Variants in MPPED2 observed in about 807,000 individuals in gnomAD.
MPPED2 encodes metallophosphoesterase MPPED2.
Under a neutral mutation model 33.0 loss-of-function variants are expected in MPPED2, and 5 were observed. That is an observed-to-expected ratio of 0.15 (90% CI 0.08 to 0.32). MPPED2 has a LOEUF of 0.32. MPPED2 is among the 10% of genes least tolerant of loss of function. The pLI is 1.00. For missense variants in MPPED2, 275 were observed against 372.1 expected, an observed-to-expected ratio of 0.74 and a Z score of 2.15; for synonymous variants, 136 against 141.9, an observed-to-expected ratio of 0.96 and a Z score of 0.29.
At chr11:30,484,987 C>T (rs184125104) in intron 4 of MPPED2, among the ~76,000 whole-genome samples, 231 of 152,104 alleles carry the variant, frequency 1.5e-3, no homozygotes, top group African/African-American at 5.2e-3. Flanking sequence ...GCAAACAAAA[C>T]AAAACCAAAA....
intron 2 of MPPED2, among the ~76,000 whole-genome samples, chr11:30,563,818 C>T (rs141417343): frequency 6.6e-6 from 1 of 152,260 alleles, no homozygotes; most frequent in African/African-American, 2.4e-5. Context: ...TCAATCCTGC[C>T]CTTATAGGGC....
chr11:30,425,840 T>A (rs187302471), intron 4 of MPPED2, among the ~76,000 whole-genome samples: 187 of 152,164 alleles, frequency 1.2e-3, no homozygotes, highest in African/African-American at 4.2e-3. Context: ...CAAAGAGGAA[T>A]CTCACAGTTC....
At chr11:30,483,178 T>TTTTTCTACTTA (rs1487887674) in intron 4 of MPPED2, among the ~76,000 whole-genome samples, 1 of 152,190 alleles carries the variant, frequency 6.6e-6, no homozygotes, top group Admixed American at 6.5e-5. Context: ...GGGTTTTCCA[T>TTTTTCTACTTA]TTTTCTACTT....
rs1948073757 is a variant in MPPED2 at position 30,410,776 on chromosome 11, GCTCTTGACA to G, written c.*683_*691del. 1.0e-6 allele frequency: 1 copy of G among 984,790 alleles called. No individual in the cohort carries two copies. Among genetic ancestry groups the G allele is most frequent in the African/African-American group, 1.7e-5 (1 of 57,196 alleles). 61.0% of individuals were successfully genotyped at this position (984,790 alleles called of 1,614,324 possible). A position where few individuals can be genotyped will look rare whatever the true frequency, so the allele number is the denominator to read the frequency against. ...ATTTTTTTAACCGTATGAAATACCT[GCTCTTGACA>G]GATTCCATTTCTGTATTTTTAAAGC... On this transcript the variant is annotated 3_prime_UTR_variant, in exon 7 of 7. Coordinates refer to ENST00000358117, the MANE Select transcript of MPPED2 (RefSeq NM_001584.3).
At chr11:30,394,863 T>C (rs995757360) in intron 6 of MPPED2, among the ~76,000 whole-genome samples, 7 of 152,326 alleles carry the variant, frequency 4.6e-5, no homozygotes, top group African/African-American at 1.4e-4. Context: ...GTTTTCTAGA[T>C]TTATGCTTTA....
In MPPED2 at chr11:30,494,162, A is replaced by C. The variant is rs1177545730; in HGVS notation, c.536+1134T>G. 2.0e-5 allele frequency among the ~76,000 whole-genome samples: 3 copies of C among 152,246 alleles called. No individual in the cohort carries two copies. The East Asian group carries it at 5.8e-4, about 29-fold the overall frequency. On this transcript the variant is annotated intron_variant, in intron 4 of 6. Transcript: ENST00000358117. ...AGGGCTTCAAAATCTATATTTCTAC[A>C]GAGACGGTAATTCTGATGTGTAGGG...
intron 4 of MPPED2, among the ~76,000 whole-genome samples, chr11:30,494,646 G>A (rs1426411862): frequency 6.8e-6 from 1 of 146,044 alleles, no homozygotes; most frequent in African/African-American, 2.5e-5. Flanking sequence ...GCTGAGGCAG[G>A]AGAATTGCTC....
intron 3 of MPPED2, among the ~76,000 whole-genome samples, chr11:30,500,557 C>G (rs1952510133): frequency 6.6e-6 from 1 of 152,198 alleles, no homozygotes; most frequent in Admixed American, 6.5e-5. Context: ...TCCTTATGTT[C>G]TCTAAAGTGT....
intron 3 of MPPED2, among the ~76,000 whole-genome samples, chr11:30,515,233 G>C (rs1953459510): frequency 2.6e-5 from 4 of 152,138 alleles, no homozygotes; most frequent in Admixed American, 6.5e-5. Flanking sequence ...GAGTGGAAAA[G>C]AATGGCTGGG....
At chr11:30,443,381 T>G (rs1403769836) in intron 4 of MPPED2, among the ~76,000 whole-genome samples, 1 of 152,120 alleles carries the variant, frequency 6.6e-6, no homozygotes, top group Non-Finnish European at 1.5e-5. Context: ...TTAGATAACT[T>G]ATCCAAGGTC....
At chr11:30,464,855 G>A (rs184534268) in intron 4 of MPPED2, among the ~76,000 whole-genome samples, 44 of 152,262 alleles carry the variant, frequency 2.9e-4, no homozygotes, top group Non-Finnish European at 1.0e-4. Context: ...AGGTTGGGGA[G>A]GCATTGCTAA....
chr11:30,470,107 T>G (rs1950885504), intron 4 of MPPED2, among the ~76,000 whole-genome samples: 1 of 152,204 alleles, frequency 6.6e-6, no homozygotes, highest in Non-Finnish European at 1.5e-5. Context: ...GCACTTTCTT[T>G]TATGAAAATT....
upstream of MPPED2, among the ~76,000 whole-genome samples, chr11:30,586,438 G>A (rs987452199): frequency 5.9e-5 from 9 of 152,140 alleles, no homozygotes; most frequent in East Asian, 1.4e-3. This position sits in a 1 kb window ranked among gnomAD's most constrained non-coding sequence, Gnocchi z 4.8. Flanking sequence ...CTCCCCGGCG[G>A]GACCCCGCGC....
chr11:30,407,922 T>TA (rs1460389542), downstream of MPPED2, among the ~76,000 whole-genome samples: 12 of 151,660 alleles, frequency 7.9e-5, no homozygotes, highest in African/African-American at 2.9e-4. Flanking sequence ...ATTAAATATA[T>TA]TTTTTTAAAA....
At chr11:30,407,035 T>G (rs1324571349), downstream of MPPED2, among the ~76,000 whole-genome samples, 1 of 152,188 alleles carries the variant, frequency 6.6e-6, no homozygotes, top group Non-Finnish European at 1.5e-5. Flanking sequence ...ACACAGCAAG[T>G]GTTTTATCTG....
intron 2 of MPPED2, among the ~76,000 whole-genome samples, chr11:30,554,595 A>T (rs1478662400): frequency 7.4e-5 from 1 of 13,472 alleles, no homozygotes; most frequent in East Asian, 2.2e-3. Flanking sequence ...GGTTCAGGAG[A>T]TTCTCGTGCC....
At chr11:30,517,807 G>A (rs1195234050) in intron 3 of MPPED2, among the ~76,000 whole-genome samples, 1 of 152,144 alleles carries the variant, frequency 6.6e-6, no homozygotes, top group African/African-American at 2.4e-5. Context: ...TCTGTCATGG[G>A]AGAAGGAGTC....
chr11:30,579,782 G>T (rs910835316), intron 2 of MPPED2, among the ~76,000 whole-genome samples: 3 of 151,658 alleles, frequency 2.0e-5, no homozygotes, highest in Non-Finnish European at 4.4e-5. Flanking sequence ...TCCCAATTAG[G>T]CCTATTTCCC....
At chr11:30,479,351 T>C (rs1484015881) in intron 4 of MPPED2, among the ~76,000 whole-genome samples, 2 of 152,120 alleles carry the variant, frequency 1.3e-5, no homozygotes, top group Non-Finnish European at 2.9e-5. Flanking sequence ...ACATATAATG[T>C]CAAAAGATAT....
Sources: gnomAD v4.1 joint callset for allele counts (sites outside exome capture counted in the v4.1 genomes callset) on GRCh38, gnomAD v4.1.1 for gene constraint, Gnocchi (gnomAD v3.1) non-coding constraint, MANE v1.5 for transcripts, NCBI Gene and HGNC (gene_info 2026-07-23, HGNC 2026-07-21) for gene names.